Variants in ZNF599 observed in about 807,000 individuals in gnomAD.
ZNF599 encodes the protein zinc finger protein 599.
ZNF599 carries 10 observed loss-of-function variants against 11.7 expected under a neutral mutation model. The observed-to-expected ratio is 0.86, with a 90% confidence interval of 0.53 to 1.45. The LOEUF is 1.45. Among genes scored for constraint, ZNF599 ranks in the 40% most tolerant of loss-of-function variants. ZNF599 has a pLI of 0.00. For missense variants in ZNF599, 688 were observed against 713.6 expected, an observed-to-expected ratio of 0.96 and a Z score of 0.41; for synonymous variants, 232 against 253.2, an observed-to-expected ratio of 0.92 and a Z score of 0.79.
chr19:34,777,363 TATATTATATATTATATATTAATTAATATA>T (rs1568496936), upstream of ZNF599, among the ~76,000 whole-genome samples: 8 of 71,004 alleles, frequency 1.1e-4, no homozygotes, highest in African/African-American at 2.7e-4. Flanking sequence ...TATATATTAA[TATATTATATATTATATATTAATTAATATA>T]TAATATATAT....
chr19:34,788,701 C>T, the ZNF599 span: 1 of 152,128 alleles, frequency 6.6e-6, no homozygotes, highest in Non-Finnish European at 1.5e-5. Context: ...TACTCATTAT[C>T]TGTAGAAAAC....
At chr19:34,786,199 T>C in the ZNF599 span, among the ~76,000 whole-genome samples, 1 of 152,118 alleles carries the variant, frequency 6.6e-6, no homozygotes, top group Admixed American at 6.5e-5. Context: ...TGTCTCTACA[T>C]TGTCCATTTT....
At chr19:34,791,637 A>G in the ZNF599 span, among the ~76,000 whole-genome samples, 17,783 of 152,190 alleles carry the variant, frequency 0.12, 1,167 homozygotes, top group South Asian at 0.17. Context: ...TTAACCTAAT[A>G]CAACCTACTT....
chr19:34,777,288 T>C (rs1376314083), upstream of ZNF599, among the ~76,000 whole-genome samples: 1 of 112,262 alleles, frequency 8.9e-6, no homozygotes, highest in East Asian at 2.4e-4. Context: ...ATTTTAAAAA[T>C]TGATCATGTT....
At chr19:34,795,640 G>A in the ZNF599 span, among the ~76,000 whole-genome samples, 2 of 152,104 alleles carry the variant, frequency 1.3e-5, no homozygotes, top group Admixed American at 1.3e-4. Flanking sequence ...AAGAACAACA[G>A]GTATGACTTA....
the ZNF599 span, among the ~76,000 whole-genome samples, chr19:34,790,465 C>T: frequency 6.6e-6 from 1 of 152,112 alleles, no homozygotes; most frequent in Admixed American, 6.6e-5. Context: ...TCATTTGAAA[C>T]AACATAGATG....
chr19:34,785,048 T>G, the ZNF599 span, among the ~76,000 whole-genome samples: 1 of 149,764 alleles, frequency 6.7e-6, no homozygotes, highest in Non-Finnish European at 1.5e-5. Flanking sequence ...CAGGGGCCCC[T>G]GGACCGTCAG....
the ZNF599 span, among the ~76,000 whole-genome samples, chr19:34,798,175 C>T: frequency 6.6e-6 from 1 of 152,196 alleles, no homozygotes; most frequent in Non-Finnish European, 1.5e-5. Flanking sequence ...TTACAATAAT[C>T]AGGAGCATTT....
chr19:34,799,864 C>T, the ZNF599 span, among the ~76,000 whole-genome samples: 1 of 152,254 alleles, frequency 6.6e-6, no homozygotes, highest in Admixed American at 6.5e-5. Context: ...AGACACAATT[C>T]AGTTGGTAAC....
chr19:34,794,533 TC>T, the ZNF599 span, among the ~76,000 whole-genome samples: 3 of 151,536 alleles, frequency 2.0e-5, no homozygotes, highest in Non-Finnish European at 2.9e-5. Flanking sequence ...TCGACCTCAT[TC>T]CCCCCTCAGA....
At chr19:34,781,048 C>T in the ZNF599 span, among the ~76,000 whole-genome samples, 1 of 152,000 alleles carries the variant, frequency 6.6e-6, no homozygotes, top group South Asian at 2.1e-4. Context: ...CCCAGCTACT[C>T]AGGAGGCTGA....
intron 2 of ZNF599, among the ~76,000 whole-genome samples, 193 bp from the exon 3 acceptor site, chr19:34,767,604 A>G (rs1287041187): frequency 2.6e-5 from 4 of 152,220 alleles, no homozygotes; most frequent in African/African-American, 9.6e-5. Flanking sequence ...AAAACTACCT[A>G]GCAACACCCA....
the ZNF599 span, among the ~76,000 whole-genome samples, chr19:34,800,254 C>T: frequency 1.3e-5 from 2 of 152,042 alleles, no homozygotes; most frequent in Admixed American, 1.3e-4. Flanking sequence ...TATGTACTGC[C>T]CCTCTTTACC....
chr19:34,793,196 A>G, the ZNF599 span, among the ~76,000 whole-genome samples: 1 of 152,252 alleles, frequency 6.6e-6, no homozygotes, highest in Non-Finnish European at 1.5e-5. Flanking sequence ...GTATACCTCA[A>G]ATTAACAAGC....
At chr19:34,767,562 T>G in intron 2 of ZNF599, 151 bp from the exon 3 acceptor site, 1 of 566,114 alleles carries the variant, frequency 1.8e-6, no homozygotes. Context: ...CTAATTAACC[T>G]AAGTCAGTAG....
intron 1 of ZNF599, 175 bp downstream of exon 1, chr19:34,772,649 A>G (rs114347935): frequency 0.019 from 26,160 of 1,406,346 alleles, 483 homozygotes; most frequent in South Asian, 0.081. Flanking sequence ...TGGATTCAGG[A>G]CCCTGGGTAG....
chr19:34,760,812 A>G (rs2069108619), intron 3 of ZNF599, among the ~76,000 whole-genome samples: 1 of 152,184 alleles, frequency 6.6e-6, no homozygotes, highest in South Asian at 2.1e-4. Flanking sequence ...TCACTCTCCC[A>G]AATGAGGGAG....
chr19:34,773,427 C>G (rs1392133296), upstream of ZNF599, among the ~76,000 whole-genome samples: 1 of 152,116 alleles, frequency 6.6e-6, no homozygotes, highest in African/African-American at 2.4e-5. Flanking sequence ...AGGAGAGGCA[C>G]ACAGAGTTCC....
the ZNF599 span, chr19:34,791,735 AG>A: frequency 6.6e-6 from 1 of 152,262 alleles, no homozygotes; most frequent in African/African-American, 2.4e-5. Context: ...GGTCACAACA[AG>A]AGGCTTCCCC....
Sources: gnomAD v4.1 joint callset for allele counts (sites outside exome capture counted in the v4.1 genomes callset) on GRCh38, gnomAD v4.1.1 for gene constraint, MANE v1.5 for transcripts, NCBI Gene and HGNC (gene_info 2026-07-23, HGNC 2026-07-21) for gene names.